PMM2: variants seen among roughly 807,000 people sequenced by gnomAD.
PMM2 encodes the protein phosphomannomutase 2.
Under a neutral mutation model 33.2 loss-of-function variants are expected in PMM2, and 35 were observed. That is an observed-to-expected ratio of 1.06 (90% CI 0.81 to 1.40). PMM2 has a LOEUF of 1.40. Ranked by LOEUF, PMM2 falls within the 40% of genes most tolerant of loss-of-function variation. PMM2 has a pLI of 0.00. For missense variants in PMM2, 386 were observed against 306.0 expected (o/e 1.26, Z -1.95); for synonymous variants, 153 against 114.7 (o/e 1.33, Z -2.13).
chr16:8,832,299 G>T lies in PMM2; in HGVS notation c.640-15425G>T, dbSNP rs555699961. ...GCGAGCCGTGCGGCTCTCTGAAAGC[G>T]GGTGGAGCTGAGAAGCAACCCAGAG... is the stretch of plus-strand genomic sequence containing the variant. On this transcript the variant is annotated intron_variant, in intron 7 of 7. Coordinates refer to ENST00000268261, the MANE Select transcript of PMM2 (RefSeq NM_000303.3). 2.1e-3 allele frequency: 2,055 copies of T among 985,436 alleles called. 4 individuals are homozygous for T. The highest frequency in any genetic ancestry group is 0.01 in the Middle Eastern group (20 of 1,914). 61.0% of individuals were successfully genotyped at this position (985,436 alleles called of 1,614,324 possible).
intron 3 of PMM2, 84 bp from the exon 4 acceptor site, chr16:8,806,232 T>A (rs2060646947): frequency 2.4e-6 from 2 of 845,706 alleles, no homozygotes; most frequent in African/African-American, 1.7e-5. Context: ...TCAGCAATCG[T>A]GGCTGAAGAC....
intron 7 of PMM2, among the ~76,000 whole-genome samples, chr16:8,833,538 G>T (rs985079116): frequency 3.3e-5 from 5 of 151,684 alleles, no homozygotes; most frequent in East Asian, 1.9e-4. Flanking sequence ...AAATTTTTAG[G>T]GGGTGGTATG....
chr16:8,811,605 A>G (rs772222658), intron 5 of PMM2, 33 bp from the exon 6 acceptor site: 9 of 1,388,738 alleles, frequency 6.5e-6, no homozygotes, highest in Non-Finnish European at 9.2e-6. Context: ...ACTGCAATAC[A>G]AGAAACAATT....
At chr16:8,811,231 T>C in intron 5 of PMM2, 53 bp downstream of exon 5, 1 of 1,177,290 alleles carries the variant, frequency 8.5e-7, no homozygotes, top group Non-Finnish European at 1.2e-6. Context: ...GGAAATAAGA[T>C]ATGGCCTGGT....
chr16:8,842,388 C>G (rs367781199), intron 7 of PMM2: 7 of 152,154 alleles, frequency 4.6e-5, no homozygotes, highest in African/African-American at 1.7e-4. Flanking sequence ...AGGTGAGAAG[C>G]GGAGGGGTGG....
chr16:8,802,342 T>C (rs1472110926), intron 2 of PMM2: 2 of 455,414 alleles, frequency 4.4e-6, no homozygotes, highest in Non-Finnish European at 8.8e-6. Flanking sequence ...ACCCCTTCAC[T>C]GGAGAGTCTG....
intron 7 of PMM2, among the ~76,000 whole-genome samples, chr16:8,847,024 C>T (rs1406628754): frequency 6.6e-6 from 1 of 152,124 alleles, no homozygotes; most frequent in Non-Finnish European, 1.5e-5. Flanking sequence ...CCACCATGCC[C>T]AGCTAATTTT....
chr16:8,832,143 C>T, intron 7 of PMM2: 1 of 985,424 alleles, frequency 1.0e-6, no homozygotes, highest in Non-Finnish European at 1.2e-6. Context: ...GCAAGCTCGA[C>T]ACAGCCCCAA....
intron 2 of PMM2, among the ~76,000 whole-genome samples, chr16:8,803,381 T>C (rs986077515): frequency 6.6e-6 from 1 of 152,204 alleles, no homozygotes; most frequent in African/African-American, 2.4e-5. Flanking sequence ...TGCATCTAGT[T>C]GTGTATTTAA....
At chr16:8,832,067 G>A in intron 7 of PMM2, 1 of 859,792 alleles carries the variant, frequency 1.2e-6, no homozygotes, top group Non-Finnish European at 1.4e-6. Flanking sequence ...TTATTCTAGA[G>A]GGCAGCCAGC....
intron 7 of PMM2, among the ~76,000 whole-genome samples, chr16:8,824,552 C>G (rs1332192223): frequency 6.6e-6 from 1 of 152,148 alleles, no homozygotes; most frequent in African/African-American, 2.4e-5. Flanking sequence ...AGTTATACGA[C>G]TATAAACCCA....
chr16:8,847,339 C>T (rs182115811), intron 7 of PMM2, among the ~76,000 whole-genome samples: 205 of 149,688 alleles, frequency 1.4e-3, no homozygotes, highest in Non-Finnish European at 2.1e-3. Flanking sequence ...GCCCTCCTGA[C>T]GCTCCCTTGT....
At chr16:8,827,168 C>T (rs1388026380) in intron 7 of PMM2, among the ~76,000 whole-genome samples, 1 of 152,054 alleles carries the variant, frequency 6.6e-6, no homozygotes, top group East Asian at 1.9e-4. Context: ...GAGTTTCTCC[C>T]AAAACAGGGT....
intron 7 of PMM2, 101 bp downstream of exon 7, chr16:8,813,207 C>T (rs973653432): frequency 3.1e-5 from 25 of 809,990 alleles, no homozygotes; most frequent in Admixed American, 8.9e-5. Context: ...TTTACCCACC[C>T]GCCCTGCTCA....
intron 7 of PMM2, among the ~76,000 whole-genome samples, chr16:8,826,224 A>C (rs2060767109): frequency 6.6e-6 from 1 of 152,214 alleles, no homozygotes; most frequent in South Asian, 2.1e-4. Context: ...ATTTGCTTAA[A>C]CTTTCAGTTT....
In PMM2 at chr16:8,798,315, T is replaced by C. The variant is rs1246630860; in HGVS notation, c.66+367T>C. On this transcript the variant is annotated intron_variant, in intron 1 of 7. Transcript: ENST00000268261. ...GGCCCCAATCCTGTAACCAATGGGC[T>C]GTGCCGTGAGTCATGATATTAAAAA... Among the ~76,000 whole-genome samples, 2 of 152,198 alleles carry C rather than the reference T, an allele frequency of 1.3e-5. 1 individual carries two copies. The highest frequency in any genetic ancestry group is 2.9e-5 in the Non-Finnish European group (2 of 68,044).
intron 7 of PMM2, among the ~76,000 whole-genome samples, chr16:8,827,834 ATT>A (rs1228374842): frequency 6.6e-5 from 6 of 91,172 alleles, no homozygotes; most frequent in Non-Finnish European, 8.7e-5. Context: ...TATTATATAT[ATT>A]GTATAATATA....
intron 7 of PMM2, among the ~76,000 whole-genome samples, chr16:8,816,214 C>T (rs1017167118): frequency 6.6e-6 from 1 of 152,048 alleles, no homozygotes; most frequent in Non-Finnish European, 1.5e-5. Context: ...GCAACCACTG[C>T]CTCCTGAGTT....
Position 8,811,727 on chromosome 16 carries a change from T to G in PMM2, c.523+14T>G. ...CGTTTTCCATAGGTATTGTATATAT[T>G]GCCTGTGTTCCAAACTTGGATACCC... is the stretch of plus-strand genomic sequence containing the variant. On this transcript the variant is annotated intron_variant, in intron 6 of 7. Transcript: ENST00000268261. 1.3e-6 allele frequency: 2 copies of G among 1,577,614 alleles called. No individual in the cohort carries two copies.
Sources: allele counts gnomAD v4.1 joint callset (sites outside exome capture counted in the v4.1 genomes callset), GRCh38; gene constraint gnomAD v4.1.1; transcripts MANE v1.5; gene names NCBI Gene and HGNC (gene_info 2026-07-23, HGNC 2026-07-21).